The following BTC variants were observed in gnomAD, a reference collection of about 807,000 sequenced individuals.
BTC encodes the protein probetacellulin.
BTC carries 13 observed loss-of-function variants against 18.1 expected under a neutral mutation model. The observed-to-expected ratio is 0.72, with a 90% CI of 0.47 to 1.14. The LOEUF (loss-of-function observed/expected upper bound fraction) is 1.14. Ranked by LOEUF, BTC falls within the 50% of genes most tolerant of loss-of-function variation. BTC has a pLI of 0.00. For synonymous variants in BTC, 83 were observed against 79.4 expected, an observed-to-expected ratio of 1.05 and a Z score of -0.24; for missense variants, 247 against 224.2, an observed-to-expected ratio of 1.10 and a Z score of -0.65.
chr4:74,787,424 C>A (rs1192525740), intron 1 of BTC, among the ~76,000 whole-genome samples: 2 of 152,144 alleles, frequency 1.3e-5, no homozygotes, highest in Admixed American at 6.6e-5. Context: ...CTAAAAAGGT[C>A]TTTCATTGTT....
rs540764592 is a variant in BTC, at chr4:74,748,161, C to T, written c.429-12G>A. On this transcript the variant is annotated splice_polypyrimidine_tract_variant and intron_variant, in intron 4 of 5. Transcript: ENST00000395743. ...GTTTCCGAAGAGGGCTTGGAAAATA[C>T]GTGTTAGAAGTTAGTATGGGCCTAG... is the stretch of plus-strand genomic sequence containing the variant. The T allele has an allele frequency of 9.7e-6, 15 of 1,551,462 alleles. No homozygotes were observed. The South Asian group carries it at 1.1e-4, about 12-fold the overall frequency.
At chr4:74,788,872 C>T (rs955226827) in intron 1 of BTC, among the ~76,000 whole-genome samples, 2 of 152,180 alleles carry the variant, frequency 1.3e-5, no homozygotes, top group African/African-American at 2.4e-5. Flanking sequence ...AAAAGTAAGT[C>T]ATCGTTAGCA....
intron 2 of BTC, among the ~76,000 whole-genome samples, chr4:74,761,634 A>C (rs959212624): frequency 6.6e-6 from 1 of 152,202 alleles, no homozygotes. Context: ...TCAGCCAAAA[A>C]TATTGGAATT....
intron 2 of BTC, among the ~76,000 whole-genome samples, chr4:74,757,053 G>A (rs1724620582): frequency 6.6e-6 from 1 of 152,150 alleles, no homozygotes; most frequent in Non-Finnish European, 1.5e-5. Context: ...CCACGTTCAT[G>A]GTATAACCAA....
In BTC at chr4:74,782,551, G is replaced by A. The variant is rs115679869; in HGVS notation, c.64+11711C>T. 9.5e-3 allele frequency among the ~76,000 whole-genome samples: 1,448 copies of A among 152,092 alleles called. 21 individuals carry two copies. Among genetic ancestry groups the A allele is most frequent in the African/African-American group, 0.031 (1,286 of 41,478 alleles). On this transcript the variant is annotated intron_variant, in intron 1 of 5. Coordinates refer to ENST00000395743, the MANE Select transcript of BTC (RefSeq NM_001729.4). ...GTATATTTGCTATTGTGAATACCGC[G>A]CACTGAACATATGCATGCATGTATC...
chr4:74,756,335 G>A (rs1724597943), intron 2 of BTC, among the ~76,000 whole-genome samples: 1 of 152,086 alleles, frequency 6.6e-6, no homozygotes, highest in Non-Finnish European at 1.5e-5. Flanking sequence ...TTGTTTGGTT[G>A]GTTTTGGGGT....
At chr4:74,768,685 C>T (rs1724961907) in intron 2 of BTC, among the ~76,000 whole-genome samples, 1 of 152,060 alleles carries the variant, frequency 6.6e-6, no homozygotes, top group African/African-American at 2.4e-5. Flanking sequence ...CTATAGTTAA[C>T]AATATTGTAT....
In BTC at chr4:74,746,185, GGATTA is replaced by G. The variant is rs1724283144; in HGVS notation, c.*487_*491del. On this transcript the variant is annotated 3_prime_UTR_variant, in exon 6 of 6. Coordinates refer to ENST00000395743, the MANE Select transcript of BTC (RefSeq NM_001729.4). ...TACCAATCTCCAACTCTCTAAATCTGGATTAGATTATTTGACTTGACTTCTTTGGC... is the reference window on the plus strand; with the variant it reads ...TACCAATCTCCAACTCTCTAAATCTGGATTATTTGACTTGACTTCTTTGGC... 1 of 152,056 alleles carries G rather than the reference GGATTA, an allele frequency of 6.6e-6. No individual in the cohort carries two copies. The highest frequency in any genetic ancestry group is 2.4e-5 in the African/African-American group (1 of 41,402). The allele number at this position is 152,056 out of a possible 1,614,324, so 9.4% of individuals were successfully genotyped here. A position where few individuals can be genotyped will look rare whatever the true frequency, so the allele number is the denominator to read the frequency against.
At chr4:74,779,470 T>C (rs1335151014) in intron 1 of BTC, among the ~76,000 whole-genome samples, 2 of 152,200 alleles carry the variant, frequency 1.3e-5, no homozygotes, top group Admixed American at 6.6e-5. Context: ...ACTTTTTGAT[T>C]CCCATTCCTT....
At chr4:74,749,504 A>AAATAAATAAATC (rs1193056273) in intron 4 of BTC, among the ~76,000 whole-genome samples, 3 of 150,368 alleles carry the variant, frequency 2.0e-5, no homozygotes, top group Non-Finnish European at 3.0e-5. Flanking sequence ...ATAAATAAAT[A>AAATAAATAAATC]AATAAATAAA....
chr4:74,794,515 T>C lies in BTC; in HGVS notation c.-190A>G. On this transcript the variant is annotated 5_prime_UTR_variant, in exon 1 of 6. Coordinates refer to ENST00000395743, the MANE Select transcript of BTC (RefSeq NM_001729.4). ...CACCCAGGGCGGGAGGCCGGCCGGC[T>C]CCGTGAATGTCGCCGGGAGGAGGGA... 1 of 620,244 alleles carries C rather than the reference T, an allele frequency of 1.6e-6. No homozygotes were observed. The highest frequency in any genetic ancestry group is 2.0e-5 in the South Asian group (1 of 49,272). 38.4% of individuals were successfully genotyped at this position (620,244 alleles called of 1,614,324 possible).
intron 1 of BTC, among the ~76,000 whole-genome samples, chr4:74,781,675 T>C: frequency 6.7e-6 from 1 of 150,160 alleles, no homozygotes; most frequent in South Asian, 2.1e-4. Context: ...GTGCCACAAA[T>C]AATCTACCTC....
In BTC at chr4:74,746,026, T is replaced by C. The variant is rs1248157886; in HGVS notation, c.*651A>G. 3.3e-5 allele frequency: 5 copies of C among 152,212 alleles called. No individual in the cohort carries two copies. Among genetic ancestry groups the C allele is most frequent in the African/African-American group, 9.7e-5 (4 of 41,450 alleles). The allele number at this position is 152,212 out of a possible 1,614,324, so 9.4% of individuals were successfully genotyped here. On this transcript the variant is annotated 3_prime_UTR_variant, in exon 6 of 6. Coordinates refer to ENST00000395743, the MANE Select transcript of BTC (RefSeq NM_001729.4). The stretch of plus-strand genomic sequence containing the variant: ...GGAAGACGGTCTTGACATCTCACAA[T>C]CATACCAAAACACAGTTCAGTATAA...
rs144591156 is a variant in BTC at position 74,750,692 on chromosome 4, C to T, written c.309G>A (p.Arg103=). The change falls in exon 4 of 6, where the codon AGG becomes AGA. Residue 103 remains arginine (R), a synonymous_variant. Transcript: ENST00000395743. ...GGTAAAACAAGTCAACTCTCTCACA[C>T]CTTGCTCCAATGTAGCCTTCATCAC... The part of the protein sequence containing the change: ...CVCDEGYIGA[R]CERVDLFYLR... 635 of 1,613,924 alleles carry T rather than the reference C, an allele frequency of 3.9e-4. 2 individuals are homozygous for T. Among genetic ancestry groups the T allele is most frequent in the Non-Finnish European group, 1.7e-4 (202 of 1,179,938 alleles).
chr4:74,786,645 A>G (rs1235869123), intron 1 of BTC, among the ~76,000 whole-genome samples: 3 of 152,210 alleles, frequency 2.0e-5, no homozygotes, highest in African/African-American at 7.2e-5. Context: ...ATCATCTGAC[A>G]TCTCACAGAA....
At chr4:74,778,613 G>A (rs564371318) in intron 1 of BTC, among the ~76,000 whole-genome samples, 7 of 152,016 alleles carry the variant, frequency 4.6e-5, no homozygotes, top group African/African-American at 1.7e-4. Flanking sequence ...GCAGTCCAGT[G>A]GAAAAAAAAT....
chr4:74,772,966 G>A (rs528882611), intron 1 of BTC, among the ~76,000 whole-genome samples: 1 of 152,276 alleles, frequency 6.6e-6, no homozygotes, highest in South Asian at 2.1e-4. Context: ...TTCACATGCT[G>A]GTGTCAGTTG....
At chr4:74,764,685 G>A (rs1425861308) in intron 2 of BTC, among the ~76,000 whole-genome samples, 1 of 152,186 alleles carries the variant, frequency 6.6e-6, no homozygotes, top group Non-Finnish European at 1.5e-5. Context: ...TAGCAACTGT[G>A]ATGGAGATAG....
rs527965507 is a variant in BTC, at chr4:74,784,666, G to A, written c.64+9596C>T. ...TTGAATTTTATCAAAGGCCTTTTCT[G>A]CATCTATTGAGATAATCATGTGGTT... On this transcript the variant is annotated intron_variant, in intron 1 of 5. Coordinates refer to ENST00000395743, the MANE Select transcript of BTC (RefSeq NM_001729.4). 2.6e-5 allele frequency among the ~76,000 whole-genome samples: 4 copies of A among 152,260 alleles called. No individual in the cohort carries two copies. The South Asian group carries it at 8.3e-4, about 32-fold the overall frequency.
Sources: allele counts gnomAD v4.1 joint callset (sites outside exome capture counted in the v4.1 genomes callset), GRCh38; gene constraint gnomAD v4.1.1; transcripts MANE v1.5; gene names NCBI Gene and HGNC (gene_info 2026-07-23, HGNC 2026-07-21).